Variants in KAZN observed in about 807,000 individuals in gnomAD.
KAZN encodes kazrin, periplakin interacting protein.
In KAZN, 40 loss-of-function variants were observed where a neutral mutation model predicts 87.4. That is an observed-to-expected ratio of 0.46 (90% confidence interval 0.36 to 0.60). The LOEUF is 0.60. Ranked by LOEUF, KAZN falls within the 20% of genes least tolerant of loss-of-function variation. KAZN has a pLI of 0.00. For missense variants in KAZN, 898 were observed against 1,073.9 expected, an observed-to-expected ratio of 0.84 and a Z score of 2.29; for synonymous variants, 466 against 458.3, an observed-to-expected ratio of 1.02 and a Z score of -0.22.
At chr1:13,935,520 G>C (rs1640695481) in intron 1 of KAZN, among the ~76,000 whole-genome samples, 1 of 152,120 alleles carries the variant, frequency 6.6e-6, no homozygotes, top group African/African-American at 2.4e-5. Flanking sequence ...CCAAGAACCT[G>C]GCCTTTGGGG....
chr1:14,420,913 TCCACACCTC>T (rs1665375925), intron 2 of KAZN, among the ~76,000 whole-genome samples: 1 of 101,800 alleles, frequency 9.8e-6, no homozygotes, highest in African/African-American at 3.3e-5. Context: ...ACACCTCCCC[TCCACACCTC>T]CCCGCAAGCA....
At chr1:14,387,998 G>A (rs1252817006) in intron 2 of KAZN, among the ~76,000 whole-genome samples, 2 of 152,244 alleles carry the variant, frequency 1.3e-5, no homozygotes, top group African/African-American at 4.8e-5. Context: ...CGATCCAGGT[G>A]CGGGATATAA....
intron 2 of KAZN, among the ~76,000 whole-genome samples, chr1:14,971,334 GTTGCGGTGGGCTGAGA>G (rs1299859206): frequency 6.6e-6 from 1 of 152,204 alleles, no homozygotes; most frequent in Non-Finnish European, 1.5e-5. Context: ...GGAGGCAGAG[GTTGCGGTGGGCTGAGA>G]TTGCGCCGCG....
At chr1:15,069,438 A>G (rs1264986171) in intron 8 of KAZN, among the ~76,000 whole-genome samples, 1 of 152,186 alleles carries the variant, frequency 6.6e-6, no homozygotes, top group Non-Finnish European at 1.5e-5. Context: ...GACCTTCTCA[A>G]GAGCCAGGCC....
chr1:14,528,685 G>A (rs1276442163), intron 2 of KAZN, among the ~76,000 whole-genome samples: 1 of 147,590 alleles, frequency 6.8e-6, no homozygotes, highest in Non-Finnish European at 1.5e-5. Context: ...GGAGGTCGAG[G>A]TTGCAGTGGG....
At chr1:14,186,156 T>G (rs1646302485) in intron 2 of KAZN, among the ~76,000 whole-genome samples, 2 of 152,212 alleles carry the variant, frequency 1.3e-5, no homozygotes, top group African/African-American at 4.8e-5. Context: ...CTGAATATTT[T>G]GTACATCATA....
intron 2 of KAZN, among the ~76,000 whole-genome samples, chr1:14,204,687 A>G (rs987087131): frequency 6.6e-6 from 1 of 152,252 alleles, no homozygotes. Flanking sequence ...GATTAAAAAA[A>G]CCTTTTATTT....
chr1:14,310,162 C>T (rs974579935), intron 2 of KAZN, among the ~76,000 whole-genome samples: 2 of 152,096 alleles, frequency 1.3e-5, no homozygotes, highest in African/African-American at 2.4e-5. Context: ...AAGGATATTA[C>T]AGGCAATGTG....
At chr1:14,027,924 C>T (rs1424576092) in intron 1 of KAZN, among the ~76,000 whole-genome samples, 1 of 152,158 alleles carries the variant, frequency 6.6e-6, no homozygotes, top group Non-Finnish European at 1.5e-5. Context: ...ATTGGGCATG[C>T]CAGTGGGTTT....
chr1:14,712,960 T>C (rs998898278), intron 1 of KAZN, among the ~76,000 whole-genome samples: 2 of 152,210 alleles, frequency 1.3e-5, no homozygotes, highest in East Asian at 3.9e-4. Context: ...TAGATGCTCA[T>C]GTATCAGTTG....
chr1:14,061,475 G>A (rs1310716944), intron 1 of KAZN, among the ~76,000 whole-genome samples: 1 of 148,466 alleles, frequency 6.7e-6, no homozygotes, highest in Non-Finnish European at 1.5e-5. Flanking sequence ...AGTAGCTGCG[G>A]CATTGAATAT....
At chr1:14,370,183 T>C (rs564853431) in intron 2 of KAZN, among the ~76,000 whole-genome samples, 1 of 151,968 alleles carries the variant, frequency 6.6e-6, no homozygotes, top group South Asian at 2.1e-4. Context: ...GACCAAGGCT[T>C]GAGGGAGAGC....
intron 2 of KAZN, among the ~76,000 whole-genome samples, chr1:14,307,827 T>C (rs1408312674): frequency 1.3e-5 from 2 of 152,190 alleles, no homozygotes; most frequent in Non-Finnish European, 2.9e-5. Context: ...CTACAAATCA[T>C]TTATTAACTA....
chr1:14,915,576 C>T (rs1483747139), intron 1 of KAZN, among the ~76,000 whole-genome samples: 1 of 152,240 alleles, frequency 6.6e-6, no homozygotes, highest in Non-Finnish European at 1.5e-5. Context: ...AGCAGCACTG[C>T]TGAGGGTTCC....
chr1:14,616,571 C>T (rs550259703), intron 1 of KAZN, among the ~76,000 whole-genome samples: 3 of 152,214 alleles, frequency 2.0e-5, no homozygotes, highest in African/African-American at 7.2e-5. Context: ...AGGGCTGGGC[C>T]CCTCTGCCCA....
intron 2 of KAZN, among the ~76,000 whole-genome samples, chr1:14,388,080 G>C (rs1662096086): frequency 6.6e-6 from 1 of 152,176 alleles, no homozygotes; most frequent in South Asian, 2.1e-4. Context: ...CGATTTTCCA[G>C]GTGCCGTCTG....
rs527388238 is a variant in KAZN, at chr1:14,485,237, G to A, written c.250-113746G>A. ...ACAGCATTTCCCTTTCATTGACCAC[G>A]TTGCATTCAAAGAAACACCAAATTC... On this transcript the variant is annotated intron_variant, in intron 2 of 16. Coordinates refer to the KAZN transcript ENST00000636203. Among the ~76,000 whole-genome samples the A allele has an allele frequency of 7.2e-5, 11 of 152,322 alleles. No homozygotes were observed. The East Asian group carries it at 1.2e-3, about 16-fold the overall frequency.
chr1:14,726,355 GC>G (rs1386311059), intron 1 of KAZN, among the ~76,000 whole-genome samples: 2 of 152,196 alleles, frequency 1.3e-5, no homozygotes, highest in Admixed American at 1.3e-4. Context: ...GTCACCAGGG[GC>G]GACTAATTGT....
chr1:14,382,601 G>A (rs1033922388), intron 2 of KAZN, among the ~76,000 whole-genome samples: 7 of 148,602 alleles, frequency 4.7e-5, no homozygotes, highest in African/African-American at 1.7e-4. Flanking sequence ...AGTTTACTGA[G>A]AATGATGATT....
Sources: gnomAD v4.1 joint callset for allele counts (sites outside exome capture counted in the v4.1 genomes callset) on GRCh38, gnomAD v4.1.1 for gene constraint, MANE v1.5 for transcripts, NCBI Gene and HGNC (gene_info 2026-07-23, HGNC 2026-07-21) for gene names.